CSMD1: variants seen among roughly 807,000 people sequenced by gnomAD.
CSMD1 encodes CUB and Sushi multiple domains 1, also known as CUB and sushi domain-containing protein 1.
In CSMD1, 213 loss-of-function variants were observed where a neutral mutation model predicts 417.5. The observed-to-expected ratio is 0.51, with a 90% confidence interval of 0.46 to 0.57. The LOEUF is 0.57. CSMD1 is among the 20% of genes least tolerant of loss of function. The pLI is 0.00. For synonymous variants in CSMD1, 2,862 were observed against 1,736.8 expected, an observed-to-expected ratio of 1.65 and a Z score of -16.11; for missense variants, 6,923 against 4,529.7, an observed-to-expected ratio of 1.53 and a Z score of -15.17.
chr8:4,735,226 G>C (rs757596352), intron 1 of CSMD1, among the ~76,000 whole-genome samples: 1 of 152,126 alleles, frequency 6.6e-6, no homozygotes, highest in Non-Finnish European at 1.5e-5. Flanking sequence ...CCAAATGCGA[G>C]AGGATACTTG....
At chr8:3,631,382 C>T (rs1442844572) in intron 7 of CSMD1, among the ~76,000 whole-genome samples, 3 of 152,152 alleles carry the variant, frequency 2.0e-5, no homozygotes, top group African/African-American at 7.2e-5. Flanking sequence ...GTGAGGTAGT[C>T]AGTGACTGGA....
At chr8:4,106,924 C>T (rs1051325384) in intron 3 of CSMD1, among the ~76,000 whole-genome samples, 1 of 152,136 alleles carries the variant, frequency 6.6e-6, no homozygotes, top group Non-Finnish European at 1.5e-5. Context: ...TATTTATAAA[C>T]CAAAACGCGT....
intron 18 of CSMD1, among the ~76,000 whole-genome samples, chr8:3,375,560 A>G (rs6558763): frequency 0.5 from 75,179 of 151,828 alleles, 19,015 homozygotes; most frequent in African/African-American, 0.56. Context: ...CATTATATAT[A>G]TTTTTATGAA....
At chr8:4,209,904 C>G (rs1800207276) in intron 3 of CSMD1, among the ~76,000 whole-genome samples, 1 of 152,128 alleles carries the variant, frequency 6.6e-6, no homozygotes, top group African/African-American at 2.4e-5. Flanking sequence ...GACAGGTGGT[C>G]TCCATGGAAA....
At chr8:3,100,307 A>G (rs763391380) in intron 46 of CSMD1, among the ~76,000 whole-genome samples, 1 of 151,844 alleles carries the variant, frequency 6.6e-6, no homozygotes, top group Non-Finnish European at 1.5e-5. Context: ...TTCCACCTCA[A>G]CCTCCACCAT....
chr8:3,982,972 C>A (rs74500719), intron 5 of CSMD1, among the ~76,000 whole-genome samples: 5 of 151,964 alleles, frequency 3.3e-5, no homozygotes, highest in African/African-American at 1.2e-4. Context: ...AACAAACAAA[C>A]GACAAATAGG....
intron 5 of CSMD1, among the ~76,000 whole-genome samples, chr8:3,909,584 G>A (rs1337244344): frequency 6.6e-6 from 1 of 152,054 alleles, no homozygotes; most frequent in African/African-American, 2.4e-5. Flanking sequence ...GTGGCATAGA[G>A]GGAAAACTTC....
At position 4,366,415 on chromosome 8, in the gene CSMD1, G is replaced by A. The variant is rs938767669; in HGVS notation, c.415+53538C>T. On this transcript the variant is annotated intron_variant, in intron 3 of 69. Coordinates refer to ENST00000635120, the MANE Select transcript of CSMD1 (RefSeq NM_033225.6). ...TATGCATGCACGTGTCTTTTTGACAGAATGATTTATTTCCTTTTGGGTAAT... is the reference window on the plus strand; with the variant it reads ...TATGCATGCACGTGTCTTTTTGACAAAATGATTTATTTCCTTTTGGGTAAT... Among the ~76,000 whole-genome samples, 3 of 152,178 alleles carry A rather than the reference G, an allele frequency of 2.0e-5. No individual in the cohort carries two copies. The East Asian group carries it at 5.8e-4, about 29-fold the overall frequency.
At chr8:3,470,615 G>A (rs1363305919) in intron 11 of CSMD1, among the ~76,000 whole-genome samples, 2 of 152,064 alleles carry the variant, frequency 1.3e-5, no homozygotes. Flanking sequence ...TCAATGCAGG[G>A]CAGCTCCATT....
intron 1 of CSMD1, among the ~76,000 whole-genome samples, chr8:4,667,355 A>C (rs1805005539): frequency 6.6e-6 from 1 of 152,244 alleles, no homozygotes; most frequent in South Asian, 2.1e-4. Context: ...CTTTTCTGCA[A>C]ACATTCGAGA....
At chr8:4,078,694 T>G (rs1460284268) in intron 3 of CSMD1, among the ~76,000 whole-genome samples, 1 of 151,102 alleles carries the variant, frequency 6.6e-6, no homozygotes, top group African/African-American at 2.4e-5. Context: ...TGCTAATAAA[T>G]GTTTAAAATT....
chr8:3,276,589 T>C (rs1272163888), intron 26 of CSMD1, among the ~76,000 whole-genome samples: 4 of 152,148 alleles, frequency 2.6e-5, no homozygotes, highest in African/African-American at 9.7e-5. Flanking sequence ...CCTCCCATGA[T>C]ACGTGGGAAT....
chr8:3,671,737 G>T (rs1368209324), intron 7 of CSMD1, among the ~76,000 whole-genome samples: 1 of 151,776 alleles, frequency 6.6e-6, no homozygotes, highest in South Asian at 2.1e-4. Flanking sequence ...CCGGCAGGCT[G>T]CCTGGGACAC....
chr8:4,720,337 C>T (rs1195548194), intron 1 of CSMD1, among the ~76,000 whole-genome samples: 1 of 152,090 alleles, frequency 6.6e-6, no homozygotes, highest in Non-Finnish European at 1.5e-5. Context: ...ACCAGAATAA[C>T]ATGGTACCAT....
intron 12 of CSMD1, among the ~76,000 whole-genome samples, chr8:3,411,698 GT>G (rs1812718423): frequency 1.6e-5 from 2 of 122,626 alleles, no homozygotes; most frequent in Non-Finnish European, 3.5e-5. Flanking sequence ...ATATACACAC[GT>G]ATATATACAC....
chr8:4,877,700 T>C (rs1008997681), intron 1 of CSMD1, among the ~76,000 whole-genome samples: 3 of 152,098 alleles, frequency 2.0e-5, no homozygotes, highest in African/African-American at 7.3e-5. Flanking sequence ...TCTGGAATTA[T>C]TTCCATATTA....
intron 5 of CSMD1, among the ~76,000 whole-genome samples, chr8:3,942,365 C>T (rs147145495): frequency 9.6e-4 from 146 of 152,148 alleles, no homozygotes; most frequent in African/African-American, 3.2e-3. Context: ...TGGTAGAGGA[C>T]GGCTACCTTA....
intron 1 of CSMD1, among the ~76,000 whole-genome samples, chr8:4,740,540 CAT>C (rs2117002083): frequency 6.6e-6 from 1 of 152,228 alleles, no homozygotes; most frequent in African/African-American, 2.4e-5. Flanking sequence ...GGATAAGACT[CAT>C]GTGAAAAAGG....
At chr8:3,542,855 T>G (rs1241429937) in intron 10 of CSMD1, among the ~76,000 whole-genome samples, 1 of 152,148 alleles carries the variant, frequency 6.6e-6, no homozygotes, top group East Asian at 1.9e-4. Context: ...CAGGGAGAGC[T>G]GCTTTCCCGT....
Sources: allele counts gnomAD v4.1 joint callset (sites outside exome capture counted in the v4.1 genomes callset), GRCh38; gene constraint gnomAD v4.1.1; transcripts MANE v1.5; gene names NCBI Gene and HGNC (gene_info 2026-07-23, HGNC 2026-07-21).